The following DGCR8 variants were observed in gnomAD, a reference collection of about 807,000 sequenced individuals.
DGCR8 encodes the protein microprocessor complex subunit DGCR8.
Under a neutral mutation model 78.5 loss-of-function variants are expected in DGCR8, and 14 were observed. The observed-to-expected ratio is 0.18, with a 90% CI of 0.12 to 0.28. The LOEUF is 0.28. Among genes scored for constraint, DGCR8 ranks in the 10% least tolerant of loss-of-function variants. The pLI, the probability that DGCR8 is intolerant of heterozygous loss-of-function variation, is 1.00. For synonymous variants in DGCR8, 399 were observed against 402.4 expected, an observed-to-expected ratio of 0.99 and a Z score of 0.10; for missense variants, 702 against 1,022.5, an observed-to-expected ratio of 0.69 and a Z score of 4.28.
At position 20,091,806 on chromosome 22, in the gene DGCR8, G is replaced by A. The variant is rs2147923226; in HGVS notation, c.1505-63G>A. 9 of 1,529,168 alleles carry A rather than the reference G, an allele frequency of 5.9e-6. No homozygotes were observed. The South Asian group carries it at 7.9e-5, about 13-fold the overall frequency. 94.7% of individuals were successfully genotyped at this position (1,529,168 alleles called of 1,614,324 possible). A position where few individuals can be genotyped will look rare whatever the true frequency, so the allele number is the denominator to read the frequency against. On this transcript the variant is annotated intron_variant, in intron 6 of 13. Coordinates refer to ENST00000351989, the MANE Select transcript of DGCR8 (RefSeq NM_022720.7). ...GCCCCTAGTTACTGACATGGTAACA[G>A]GAAGCTGTGTGCTAGCTTGTGGCAC...
In DGCR8 at chr22:20,100,671, G is replaced by A. The variant is rs2049687892; in HGVS notation, c.1789-5506G>A. 1.1e-5 allele frequency: 11 copies of A among 985,302 alleles called. No individual in the cohort carries two copies. In the Admixed American group the frequency reaches 6.1e-4, roughly 55 times the overall value. The allele number at this position is 985,302 out of a possible 1,614,324, so 61.0% of individuals were successfully genotyped here. A position where few individuals can be genotyped will look rare whatever the true frequency, so the allele number is the denominator to read the frequency against. ...CCACTCTGGGGTTCTTCTGTGAAGT[G>A]GAGAGGCTTTGCAGAAACCACATTG... is the stretch of plus-strand genomic sequence containing the variant. On this transcript the variant is annotated intron_variant, in intron 9 of 13. Transcript: ENST00000351989.
At chr22:20,102,346 C>T (rs2045716375) in intron 9 of DGCR8, among the ~76,000 whole-genome samples, 1 of 152,136 alleles carries the variant, frequency 6.6e-6, no homozygotes, top group South Asian at 2.1e-4. Context: ...TGAACCTGGC[C>T]TCTGGCTTGG....
rs763032387 is a variant in DGCR8, at chr22:20,086,918, G to A, written c.720+235G>A. The A allele has an allele frequency of 2.5e-5, 18 of 724,544 alleles. No individual in the cohort carries two copies. The highest frequency in any genetic ancestry group is 3.2e-5 in the Admixed American group (1 of 31,384). The allele number at this position is 724,544 out of a possible 1,614,324, so 44.9% of individuals were successfully genotyped here. On this transcript the variant is annotated intron_variant, in intron 2 of 13. Transcript: ENST00000351989. The surrounding 1 kb of genome is among the most constrained non-coding windows in gnomAD (Gnocchi z 6.4). ...GTAGGCCCTGCATCCCTGATCTAGC[G>A]CGTGGGGCAGCAGGTGCTGCTGAGT... is the stretch of plus-strand genomic sequence containing the variant.
chr22:20,100,427 A>C, intron 9 of DGCR8: 3 of 985,388 alleles, frequency 3.0e-6, no homozygotes, highest in South Asian at 4.7e-5. Flanking sequence ...GAGGCTTCCA[A>C]GGCCCTCTGG....
In DGCR8 at chr22:20,108,913, T is replaced by G. The variant is rs1424446929; in HGVS notation, c.2148T>G (p.Ile716Met). The change falls in exon 13 of 14, where the codon ATT (isoleucine) becomes ATG (methionine). Residue 716 changes from isoleucine to methionine, a missense_variant. Around this residue, in one of 4 missense-constraint regions of DGCR8, gnomAD observed 225 missense variants for 427.7 expected, o/e 0.53. Transcript: ENST00000351989. ...VKQETSDKSV[I>M]ELQQYAKKNK... ...AGGAGACATCGGACAAGAGTGTGAT[T>G]GAGCTGCAGCAGTATGCCAAGAAGA... 1.2e-6 allele frequency: 2 copies of G among 1,600,486 alleles called. No individual in the cohort carries two copies. Among genetic ancestry groups the G allele is most frequent in the Non-Finnish European group, 1.7e-6 (2 of 1,168,976 alleles).
intron 9 of DGCR8, among the ~76,000 whole-genome samples, chr22:20,104,816 G>C (rs1166655402): frequency 6.6e-6 from 1 of 152,266 alleles, no homozygotes. Flanking sequence ...TGCAGTTGCA[G>C]CGAGTTGGCC....
Position 20,086,984 on chromosome 22 carries a change from G to T in DGCR8, c.721-178G>T. 1.2e-6 allele frequency: 1 copy of T among 836,926 alleles called. No individual in the cohort carries two copies. Among genetic ancestry groups the T allele is most frequent in the Non-Finnish European group, 1.8e-6 (1 of 544,704 alleles). 51.8% of individuals were successfully genotyped at this position (836,926 alleles called of 1,614,324 possible). ...TGTGTGCCCCTGGACCAGGTGTGTT[G>T]GTGTCAGCTGGTAGCTTCATCCTGT... On this transcript the variant is annotated intron_variant, in intron 2 of 13. Transcript: ENST00000351989. The surrounding 1 kb of genome is among the most constrained non-coding windows in gnomAD (Gnocchi z 6.4).
At chr22:20,100,377 A>G in intron 9 of DGCR8, 1 of 985,126 alleles carries the variant, frequency 1.0e-6, no homozygotes, top group Non-Finnish European at 1.2e-6. Context: ...ATTTGATTTT[A>G]TTTCTGAGTG....
chr22:20,106,402 C>A, intron 10 of DGCR8, 125 bp downstream of exon 10: 1 of 893,756 alleles, frequency 1.1e-6, no homozygotes, highest in Non-Finnish European at 1.8e-6. Context: ...TACACAGCAG[C>A]CCCTTGGCCC....
chr22:20,101,646 G>T, intron 9 of DGCR8: 1 of 985,406 alleles, frequency 1.0e-6, no homozygotes, highest in Non-Finnish European at 1.2e-6. Flanking sequence ...GGGGAAAGTA[G>T]CTTTTCCCTC....
At chr22:20,091,231 T>C (rs1470552573) in intron 5 of DGCR8, among the ~76,000 whole-genome samples, 2 of 152,176 alleles carry the variant, frequency 1.3e-5, no homozygotes, top group African/African-American at 4.8e-5. Context: ...AAAGAACATC[T>C]CAGAAATTCA....
intron 12 of DGCR8, 115 bp from the exon 13 acceptor site, chr22:20,108,775 C>CTTCCAGACCCTGGGCGCGCCTACCT: frequency 4.9e-6 from 1 of 202,640 alleles, no homozygotes; most frequent in Non-Finnish European, 8.8e-6. Context: ...TGTTTCGTGT[C>CTTCCAGACCCTGGGCGCGCCTACCT]TGCCAGACCC....
intron 13 of DGCR8, among the ~76,000 whole-genome samples, chr22:20,109,526 G>A (rs2049810054): frequency 6.6e-6 from 1 of 152,232 alleles, no homozygotes; most frequent in Non-Finnish European, 1.5e-5. Flanking sequence ...AGCCCCAGGA[G>A]GTATCTGCTG....
chr22:20,086,359 C>T lies in DGCR8; in HGVS notation c.396C>T (p.Asp132=). 4.3e-6 allele frequency: 7 copies of T among 1,614,022 alleles called. No individual in the cohort carries two copies. The highest frequency in any genetic ancestry group is 5.9e-6 in the Non-Finnish European group (7 of 1,180,022). ...TTACCGAGAGCTGCAGGAGTAAGGA[C>T]AGGAAGGTGCTGTACACAGGAGCAG... The part of the protein sequence containing the change: ...VSFTESCRSK[D]RKVLYTGAER... Residue 132 remains aspartate (D), a synonymous_variant, in exon 2 of 14, where the codon GAC becomes GAT. Coordinates refer to ENST00000351989, the MANE Select transcript of DGCR8 (RefSeq NM_022720.7). This position sits in a 1 kb window ranked among gnomAD's most constrained non-coding sequence, Gnocchi z 6.4.
At chr22:20,099,851 T>A (rs1296960054) in intron 9 of DGCR8, among the ~76,000 whole-genome samples, 2 of 152,330 alleles carry the variant, frequency 1.3e-5, no homozygotes, top group East Asian at 3.9e-4. Flanking sequence ...CTCTTAAGTT[T>A]CTTGAACTCC....
Position 20,111,671 on chromosome 22 carries a change from C to A in DGCR8, c.*1563C>A. On this transcript the variant is annotated 3_prime_UTR_variant, in exon 14 of 14. Transcript: ENST00000351989. ...GTCTTGCTGTTCCCAGGCACCACCA[C>A]AGCAGGTGCTGCCATACTCTTGTGG... The A allele has an allele frequency of 6.1e-6, 2 of 329,326 alleles. No homozygotes were observed. The highest frequency in any genetic ancestry group is 5.5e-6 in the Non-Finnish European group (1 of 181,960). 20.4% of individuals were successfully genotyped at this position (329,326 alleles called of 1,614,324 possible).
intron 9 of DGCR8, among the ~76,000 whole-genome samples, chr22:20,103,622 G>T (rs1479484303): frequency 6.6e-6 from 1 of 152,092 alleles, no homozygotes; most frequent in Admixed American, 6.6e-5. Context: ...TGCTGCATCT[G>T]TGTTCTTGGT....
intron 9 of DGCR8, among the ~76,000 whole-genome samples, chr22:20,104,454 A>C (rs1383745333): frequency 6.6e-6 from 1 of 152,048 alleles, no homozygotes; most frequent in African/African-American, 2.4e-5. Flanking sequence ...GGCGTGAGCC[A>C]CCGCGCCCGG....
Position 20,100,241 on chromosome 22 carries a change from A to G in DGCR8, c.1788+5446A>G, listed in dbSNP as rs1052726369. 1.5e-5 allele frequency: 9 copies of G among 589,000 alleles called. No homozygotes were observed. In the South Asian group the frequency reaches 3.0e-4, roughly 20 times the overall value. 36.5% of individuals were successfully genotyped at this position (589,000 alleles called of 1,614,324 possible). A position where few individuals can be genotyped will look rare whatever the true frequency, so the allele number is the denominator to read the frequency against. ...GCCACCACGCCCGGCTAATTTTTGT[A>G]TTTTTAGTAGAGATGGGGTTTCACC... On this transcript the variant is annotated intron_variant, in intron 9 of 13. Coordinates refer to ENST00000351989, the MANE Select transcript of DGCR8 (RefSeq NM_022720.7).
Sources: gnomAD v4.1 joint callset for allele counts (sites outside exome capture counted in the v4.1 genomes callset) on GRCh38, gnomAD v4.1.1 for gene constraint, gnomAD v4.1.1 regional missense constraint, Gnocchi (gnomAD v3.1) non-coding constraint, MANE v1.5 for transcripts, NCBI Gene and HGNC (gene_info 2026-07-23, HGNC 2026-07-21) for gene names.